Variants in NCF4 observed in about 807,000 individuals in gnomAD.
NCF4 encodes neutrophil cytosolic factor 4.
NCF4 carries 30 observed loss-of-function variants against 41.7 expected under a neutral mutation model. That is an observed-to-expected ratio of 0.72 (90% CI 0.54 to 0.97). NCF4 has a LOEUF of 0.97. Among genes scored for constraint, NCF4 ranks in the 50% least tolerant of loss-of-function variants. The pLI is 0.00. For synonymous variants in NCF4, 195 were observed against 175.8 expected, an observed-to-expected ratio of 1.11 and a Z score of -0.87; for missense variants, 432 against 460.9, an observed-to-expected ratio of 0.94 and a Z score of 0.57.
chr22:36,872,968 GAGGGTGGAGGTA>G (rs1307533016), intron 7 of NCF4, among the ~76,000 whole-genome samples: 3 of 145,572 alleles, frequency 2.1e-5, no homozygotes, highest in East Asian at 4.1e-4. Flanking sequence ...GATTGGAGGT[GAGGGTGGAGGTA>G]AGGGTGGAGG....
chr22:36,861,286 C>T lies in NCF4; in HGVS notation c.32+83C>T, dbSNP rs368167939. On this transcript the variant is annotated intron_variant, in intron 1 of 9. Coordinates refer to ENST00000248899, the MANE Select transcript of NCF4 (RefSeq NM_000631.5). The stretch of plus-strand genomic sequence containing the variant: ...GGACAAAGGCCAGTCCTTCTGCAGT[C>T]CCTGATCAACATGAGAGGCTGGGGT... 2,447 of 1,477,162 alleles carry T rather than the reference C, an allele frequency of 1.7e-3. 67 individuals carry two copies. In the South Asian group the frequency reaches 0.027, roughly 16 times the overall value. 91.5% of individuals were successfully genotyped at this position (1,477,162 alleles called of 1,614,324 possible).
Position 36,877,658 on chromosome 22 carries a change from G to A in NCF4, c.855G>A (p.Leu285=). Reference sequence around the variant, plus strand: ...AGTTCCAGAGAGAGGACATAGCTCTGAATTACCGGGACGCTGAGGGGGATC... The same window carrying A: ...AGTTCCAGAGAGAGGACATAGCTCTAAATTACCGGGACGCTGAGGGGGATC... ...RREFQREDIA[L]NYRDAEGDLV... The change falls in exon 10 of 10, where the codon CTG becomes CTA. Residue 285 remains leucine (L), a synonymous_variant. Transcript: ENST00000248899. 5 of 1,614,166 alleles carry A rather than the reference G, an allele frequency of 3.1e-6. No individual in the cohort carries two copies. The highest frequency in any genetic ancestry group is 3.4e-6 in the Non-Finnish European group (4 of 1,180,024).
intron 9 of NCF4, among the ~76,000 whole-genome samples, chr22:36,876,740 A>G (rs1940201962): frequency 6.6e-6 from 1 of 152,178 alleles, no homozygotes; most frequent in Non-Finnish European, 1.5e-5. Flanking sequence ...TTACTACTCT[A>G]AACAACATTG....
intron 1 of NCF4, among the ~76,000 whole-genome samples, chr22:36,862,768 T>C (rs984879277): frequency 6.6e-6 from 1 of 152,298 alleles, no homozygotes; most frequent in African/African-American, 2.4e-5. Flanking sequence ...GCGGGGACTT[T>C]CTAGAACCCC....
rs772724160 is a variant in NCF4, at chr22:36,870,430, C to G, written c.358C>G (p.Pro120Ala). The G allele has an allele frequency of 6.2e-7, 1 of 1,613,956 alleles. No homozygotes were observed. Among genetic ancestry groups the G allele is most frequent in the South Asian group, 1.1e-5 (1 of 91,088 alleles). ...ACCCACACAGAGCCTGCTCAGCCTG[C>G]CGGTCTGGGTGCTGATGGATGAGGA... ...NAYMKSLLSL[P>A]VWVLMDEDVR... The change falls in exon 5 of 10, where the codon CCG (proline) becomes GCG (alanine). Residue 120 changes from proline (P) to alanine (A), a missense_variant. Pro to Ala is a conservative substitution (Grantham distance 27, BLOSUM62 -1). Coordinates refer to ENST00000248899, the MANE Select transcript of NCF4 (RefSeq NM_000631.5).
At position 36,864,087 on chromosome 22, in the gene NCF4, C is replaced by G; in HGVS notation, c.75C>G (p.Asn25Lys). The part of the protein sequence containing the change: ...QLPDDVAISA[N>K]IADIEEKRGF... Reference sequence around the variant, plus strand: ...CGGATGATGTTGCCATCTCGGCCAACATTGCTGACATCGAGGAGAAGAGAG... The same window carrying G: ...CGGATGATGTTGCCATCTCGGCCAAGATTGCTGACATCGAGGAGAAGAGAG... Residue 25 changes from asparagine to lysine, a missense_variant, in exon 2 of 10, where the codon AAC becomes AAG. By Grantham distance (94) the Asn-to-Lys change is moderately conservative (BLOSUM62 0). Transcript: ENST00000248899. The G allele has an allele frequency of 6.2e-7, 1 of 1,614,150 alleles. No individual in the cohort carries two copies. The highest frequency in any genetic ancestry group is 1.1e-5 in the South Asian group (1 of 91,082).
At chr22:36,867,254 GC>G in intron 3 of NCF4, 137 bp from the exon 4 acceptor site, 1 of 854,600 alleles carries the variant, frequency 1.2e-6, no homozygotes, top group East Asian at 2.6e-5. Context: ...CCACTTCAGT[GC>G]TGTGAAAAGA....
intron 1 of NCF4, among the ~76,000 whole-genome samples, chr22:36,862,543 G>A (rs1272194377): frequency 2.6e-5 from 4 of 152,146 alleles, no homozygotes; most frequent in Non-Finnish European, 4.4e-5. Flanking sequence ...ACGGAGAGCT[G>A]ACCAGCAGGA....
Position 36,865,781 on chromosome 22 carries a change from C to G in NCF4, c.271+709C>G, listed in dbSNP as rs1939913034. On this transcript the variant is annotated intron_variant, in intron 3 of 9. Coordinates refer to ENST00000248899, the MANE Select transcript of NCF4 (RefSeq NM_000631.5). This position sits in a 1 kb window ranked among gnomAD's most constrained non-coding sequence, Gnocchi z 4.3. ...TCTCCCTTCCCCAAGCCTCAGGGACCCTTCCCCAAGCTCCAACCCCATCTC... is the reference window on the plus strand; with the variant it reads ...TCTCCCTTCCCCAAGCCTCAGGGACGCTTCCCCAAGCTCCAACCCCATCTC... 6.6e-6 allele frequency among the ~76,000 whole-genome samples: 1 copy of G among 152,116 alleles called. No individual in the cohort carries two copies. Among genetic ancestry groups the G allele is most frequent in the Non-Finnish European group, 1.5e-5 (1 of 68,006 alleles).
chr22:36,875,049 GAC>G (rs1940162957), intron 7 of NCF4, among the ~76,000 whole-genome samples: 1 of 152,132 alleles, frequency 6.6e-6, no homozygotes. Context: ...TTTTCTTTGA[GAC>G]AGAGTTTCAC....
intron 1 of NCF4, among the ~76,000 whole-genome samples, chr22:36,861,544 ATCTTCTGC>A (rs1939774685): frequency 6.6e-6 from 1 of 152,108 alleles, no homozygotes; most frequent in African/African-American, 2.4e-5. Context: ...ATGACTTTCC[ATCTTCTGC>A]GCAAACAGAA....
At chr22:36,876,444 A>G (rs1441303045) in intron 9 of NCF4, among the ~76,000 whole-genome samples, 1 of 152,218 alleles carries the variant, frequency 6.6e-6, no homozygotes, top group Non-Finnish European at 1.5e-5. Context: ...GTTATTTTAC[A>G]GAATGGTAAC....
intron 1 of NCF4, among the ~76,000 whole-genome samples, 188 bp downstream of exon 1, chr22:36,861,391 C>G (rs953421232): frequency 6.6e-6 from 1 of 152,236 alleles, no homozygotes; most frequent in African/African-American, 2.4e-5. Flanking sequence ...TCACCACCCT[C>G]AGACACAAAT....
intron 3 of NCF4, among the ~76,000 whole-genome samples, chr22:36,867,144 C>T (rs113870791): frequency 3.6e-3 from 192 of 54,080 alleles, no homozygotes; most frequent in Non-Finnish European, 4.2e-3. Context: ...TGTGTGTGTG[C>T]GCTTGGATGA....
Position 36,861,067 on chromosome 22 carries a change from C to A in NCF4, c.-105C>A. On this transcript the variant is annotated 5_prime_UTR_variant, in exon 1 of 10. Transcript: ENST00000248899. ...CAGCTCCTGGGGACTCCCAGGACCA[C>A]AGGCTGAGACGAGACGCAGGGTGGC... 6.8e-7 allele frequency: 1 copy of A among 1,473,284 alleles called. No homozygotes were observed. The highest frequency in any genetic ancestry group is 9.3e-7 in the Non-Finnish European group (1 of 1,076,756). The allele number at this position is 1,473,284 out of a possible 1,614,324, so 91.3% of individuals were successfully genotyped here.
intron 4 of NCF4, among the ~76,000 whole-genome samples, chr22:36,869,936 A>G (rs577810619): frequency 2.0e-5 from 3 of 149,180 alleles, no homozygotes; most frequent in Admixed American, 2.0e-4. Context: ...CTGTTGTCTC[A>G]CCTTAAGCTT....
At chr22:36,862,457 C>A (rs762470401) in intron 1 of NCF4, among the ~76,000 whole-genome samples, 2 of 152,186 alleles carry the variant, frequency 1.3e-5, no homozygotes, top group Non-Finnish European at 2.9e-5. Flanking sequence ...CACGCAAACT[C>A]GAATCTTCCG....
chr22:36,862,674 C>T (rs896808265), intron 1 of NCF4, among the ~76,000 whole-genome samples: 16 of 152,126 alleles, frequency 1.1e-4, no homozygotes, highest in South Asian at 4.1e-4. Context: ...CCCTGTACCT[C>T]GAAGGTCTTA....
chr22:36,870,303 A>G, intron 4 of NCF4, 112 bp from the exon 5 acceptor site: 1 of 1,433,446 alleles, frequency 7.0e-7, no homozygotes, highest in Non-Finnish European at 9.8e-7. Flanking sequence ...GGCATCATGC[A>G]TTAGTAAAGA....
Sources: allele counts gnomAD v4.1 joint callset (sites outside exome capture counted in the v4.1 genomes callset), GRCh38; gene constraint gnomAD v4.1.1; non-coding constraint Gnocchi (gnomAD v3.1); transcripts MANE v1.5; gene names NCBI Gene and HGNC (gene_info 2026-07-23, HGNC 2026-07-21).